The following PEAK1 variants were observed in gnomAD, a reference collection of about 807,000 sequenced individuals.
PEAK1 encodes the protein inactive tyrosine-protein kinase PEAK1.
A neutral mutation model predicts 124.7 loss-of-function variants in PEAK1; 54 were observed. That is an observed-to-expected ratio of 0.43 (90% CI 0.35 to 0.54). The LOEUF (loss-of-function observed/expected upper bound fraction) is 0.54, where lower values mean the gene tolerates loss of function less well. Ranked by LOEUF, PEAK1 falls within the 20% of genes least tolerant of loss-of-function variation. The probability of loss-of-function intolerance (pLI) is 0.01; values close to 1 mark genes in which losing one functional copy is unlikely to be tolerated. For synonymous variants in PEAK1, 719 were observed against 760.0 expected, an observed-to-expected ratio of 0.95 and a Z score of 0.89; for missense variants, 2,046 against 2,134.5, an observed-to-expected ratio of 0.96 and a Z score of 0.82.
rs1478518944 is a variant in PEAK1, at chr15:77,168,396, C to T, written c.3138-9700G>A. ...GATATTATGGCTTACCAGGGGTAAGCGAACTTCTGTAAAAGGCCACATGGT... is the reference window on the plus strand; with the variant it reads ...GATATTATGGCTTACCAGGGGTAAGTGAACTTCTGTAAAAGGCCACATGGT... On this transcript the variant is annotated intron_variant, in intron 7 of 9. Coordinates refer to ENST00000682557, the MANE Select transcript of PEAK1 (RefSeq NM_001385026.1). 5.3e-5 allele frequency among the ~76,000 whole-genome samples: 8 copies of T among 152,236 alleles called. No homozygotes were observed. In the East Asian group the frequency reaches 1.4e-3, roughly 26 times the overall value.
At chr15:77,136,678 TAAATAA>T (rs1375921592) in intron 8 of PEAK1, among the ~76,000 whole-genome samples, 3 of 151,576 alleles carry the variant, frequency 2.0e-5, no homozygotes, top group Admixed American at 2.0e-4. Context: ...AAAAAATAAA[TAAATAA>T]AAATAAAAAT....
At chr15:77,265,974 G>T (rs1271814983) in intron 5 of PEAK1, among the ~76,000 whole-genome samples, 2 of 152,120 alleles carry the variant, frequency 1.3e-5, no homozygotes, top group Non-Finnish European at 2.9e-5. Flanking sequence ...GATGAAATTG[G>T]AAATCATCAT....
At chr15:77,394,107 A>C (rs1233048934) in intron 1 of PEAK1, among the ~76,000 whole-genome samples, 1 of 152,196 alleles carries the variant, frequency 6.6e-6, no homozygotes, top group Non-Finnish European at 1.5e-5. Flanking sequence ...GCTCAGCCGC[A>C]TTAGAATAGA....
intron 1 of PEAK1, among the ~76,000 whole-genome samples, chr15:77,396,859 A>G (rs2070931380): frequency 6.6e-6 from 1 of 152,196 alleles, no homozygotes; most frequent in South Asian, 2.1e-4. Flanking sequence ...AGATCCCAAG[A>G]TGATAATAGT....
chr15:77,313,652 A>ATGTATGTATGTG (rs1469429790), intron 2 of PEAK1, among the ~76,000 whole-genome samples: 8 of 90,602 alleles, frequency 8.8e-5, no homozygotes, highest in Non-Finnish European at 1.1e-4. Flanking sequence ...GTATGTATGT[A>ATGTATGTATGTG]TGTGTGTGTG....
At chr15:77,303,183 C>CCAGTTTTGGT (rs1380559210) in intron 2 of PEAK1, among the ~76,000 whole-genome samples, 4 of 152,140 alleles carry the variant, frequency 2.6e-5, no homozygotes, top group Non-Finnish European at 5.9e-5. Flanking sequence ...TTGGATGCTT[C>CCAGTTTTGGT]CAGTTTTGGT....
intron 2 of PEAK1, among the ~76,000 whole-genome samples, chr15:77,301,770 T>C (rs1394239727): frequency 6.6e-6 from 1 of 152,320 alleles, no homozygotes; most frequent in East Asian, 1.9e-4. Flanking sequence ...AACAGCCTAA[T>C]GTATGGAGTG....
chr15:77,211,225 T>G (rs1201492293), intron 6 of PEAK1, among the ~76,000 whole-genome samples: 4 of 152,222 alleles, frequency 2.6e-5, no homozygotes, highest in Non-Finnish European at 5.9e-5. Context: ...AGAAGTATAC[T>G]GTCCCTAGTG....
At chr15:77,194,624 C>T (rs757299610) in intron 6 of PEAK1, among the ~76,000 whole-genome samples, 2 of 152,162 alleles carry the variant, frequency 1.3e-5, no homozygotes, top group African/African-American at 2.4e-5. Flanking sequence ...CTCCACCCCC[C>T]GACCCCCACT....
intron 2 of PEAK1, among the ~76,000 whole-genome samples, chr15:77,315,642 TA>T (rs2064824233): frequency 6.7e-6 from 1 of 149,764 alleles, no homozygotes; most frequent in South Asian, 2.1e-4. Flanking sequence ...AAATAAAAAA[TA>T]AAAAAATAAA....
In PEAK1 at chr15:77,355,882, G is replaced by A. The variant is rs943893287; in HGVS notation, c.-603+9281C>T. The A allele has an allele frequency of 9.1e-6, 9 of 985,262 alleles. No individual in the cohort carries two copies. In the African/African-American group the frequency reaches 1.4e-4, roughly 15 times the overall value. 61.0% of individuals were successfully genotyped at this position (985,262 alleles called of 1,614,324 possible). On this transcript the variant is annotated intron_variant, in intron 2 of 9. Coordinates refer to ENST00000682557, the MANE Select transcript of PEAK1 (RefSeq NM_001385026.1). ...GGAAAAGTTACAGCCCTGGAAAAAT[G>A]GAGAGAACTCAGAAAAACCCCTGGG...
intron 2 of PEAK1, chr15:77,352,602 A>T: frequency 2.1e-6 from 2 of 949,892 alleles, no homozygotes; most frequent in South Asian, 9.7e-5. Flanking sequence ...ATTGAGAATT[A>T]GCAACTTCAT....
chr15:77,329,230 C>T lies in PEAK1; in HGVS notation c.-603+35933G>A, dbSNP rs1167508389. On this transcript the variant is annotated intron_variant, in intron 2 of 9. Coordinates refer to ENST00000682557, the MANE Select transcript of PEAK1 (RefSeq NM_001385026.1). ...GAGCAAAACAAAATTTTATCTTGTC[C>T]TCTCTTCATGTCACCTGGAGGGGTT... Among the ~76,000 whole-genome samples the T allele has an allele frequency of 2.6e-5, 4 of 152,072 alleles. No individual in the cohort carries two copies. The East Asian group carries it at 5.8e-4, about 22-fold the overall frequency.
At chr15:77,323,310 G>A (rs1183863276) in intron 2 of PEAK1, among the ~76,000 whole-genome samples, 41 of 151,848 alleles carry the variant, frequency 2.7e-4, no homozygotes, top group African/African-American at 9.6e-4. Flanking sequence ...AGGAAATAAA[G>A]GGTATTCAAT....
intron 2 of PEAK1, among the ~76,000 whole-genome samples, chr15:77,295,410 TAG>T (rs2063434493): frequency 6.6e-6 from 1 of 152,198 alleles, no homozygotes; most frequent in South Asian, 2.1e-4. Context: ...TCACTTTTAC[TAG>T]ATTTGTGGAC....
intron 6 of PEAK1, among the ~76,000 whole-genome samples, chr15:77,229,640 CT>C (rs1393576957): frequency 1.6e-4 from 23 of 143,900 alleles, no homozygotes; most frequent in Admixed American, 3.7e-4. Flanking sequence ...CTGTTTCTTT[CT>C]TTTCTTTCTT....
intron 1 of PEAK1, chr15:77,404,403 A>T: frequency 1.1e-6 from 1 of 869,864 alleles, no homozygotes; most frequent in Non-Finnish European, 1.4e-6. Flanking sequence ...ATGTGCTTTA[A>T]GTGGAAAATA....
intron 9 of PEAK1, among the ~76,000 whole-genome samples, chr15:77,127,792 C>T (rs147853219): frequency 3.3e-5 from 5 of 152,188 alleles, no homozygotes; most frequent in East Asian, 3.9e-4. Context: ...ACTGTGAAAA[C>T]GGTGAGGCCA....
In PEAK1 at chr15:77,348,766, T is replaced by A. The variant is rs933779966; in HGVS notation, c.-603+16397A>T. The A allele has an allele frequency of 3.0e-5, 29 of 980,822 alleles. No homozygotes were observed. The African/African-American group carries it at 5.0e-4, about 17-fold the overall frequency. 60.8% of individuals were successfully genotyped at this position (980,822 alleles called of 1,614,324 possible). A position where few individuals can be genotyped will look rare whatever the true frequency, so the allele number is the denominator to read the frequency against. ...TTATAGAACTGTGACTAAAACCCGA[T>A]GATGAATATCTTTTTTTCTTTTTTG... On this transcript the variant is annotated intron_variant, in intron 2 of 9. Coordinates refer to ENST00000682557, the MANE Select transcript of PEAK1 (RefSeq NM_001385026.1).
Sources: allele counts gnomAD v4.1 joint callset (sites outside exome capture counted in the v4.1 genomes callset), GRCh38; gene constraint gnomAD v4.1.1; transcripts MANE v1.5; gene names NCBI Gene and HGNC (gene_info 2026-07-23, HGNC 2026-07-21).